RPRD1A: variants seen among roughly 807,000 people sequenced by gnomAD.
RPRD1A encodes the protein regulation of nuclear pre-mRNA domain containing 1A.
RPRD1A carries 9 observed loss-of-function variants against 37.8 expected under a neutral mutation model. The ratio of observed to expected loss-of-function variants is 0.24; its 90% CI spans 0.14 to 0.42. RPRD1A has a LOEUF of 0.42. Among genes scored for constraint, RPRD1A ranks in the 10% least tolerant of loss-of-function variants. The pLI is 1.00. For synonymous variants in RPRD1A, 138 were observed against 139.7 expected (o/e 0.99, Z 0.08); for missense variants, 255 against 371.0 (o/e 0.69, Z 2.57).
At chr18:36,062,273 C>G (rs1306739064) in intron 1 of RPRD1A, among the ~76,000 whole-genome samples, 2 of 144,544 alleles carry the variant, frequency 1.4e-5, no homozygotes, top group Non-Finnish European at 3.0e-5. Flanking sequence ...GCCGAGATTG[C>G]GCCACTGCAG....
In RPRD1A at chr18:36,048,775, G is replaced by A. The variant is rs559502568; in HGVS notation, c.152-14938C>T. ...ATTACACATGGTGCTGGAAATTCTA[G>A]CAAGTACAATAGGGCAAGAAAAGGA... On this transcript the variant is annotated intron_variant, in intron 1 of 6. Transcript: ENST00000399022. Among the ~76,000 whole-genome samples, 7 of 152,126 alleles carry A rather than the reference G, an allele frequency of 4.6e-5. No individual in the cohort carries two copies. The South Asian group carries it at 1.2e-3, about 27-fold the overall frequency.
rs117080684 is a variant in RPRD1A at position 36,030,635 on chromosome 18, T to C, written c.486+173A>G. 9.6e-3 allele frequency among the ~76,000 whole-genome samples: 1,468 copies of C among 152,334 alleles called. 7 individuals are homozygous for C. The highest frequency in any genetic ancestry group is 0.016 in the Non-Finnish European group (1,108 of 68,034). On this transcript the variant is annotated intron_variant, in intron 4 of 6. Coordinates refer to ENST00000399022, the MANE Select transcript of RPRD1A (RefSeq NM_018170.5). Reference sequence around the variant, plus strand: ...TATGCAAAATATACAATATACAACATACTACATTTAACATAAGCAATTTGT... The same window carrying C: ...TATGCAAAATATACAATATACAACACACTACATTTAACATAAGCAATTTGT...
At chr18:36,025,510 A>T (rs1329747899) in intron 6 of RPRD1A, 2 of 588,076 alleles carry the variant, frequency 3.4e-6, no homozygotes, top group Admixed American at 7.7e-5. Flanking sequence ...ACAGTGACAA[A>T]TGACCATCAT....
chr18:35,993,940 G>A (rs1393942568), intron 6 of RPRD1A, among the ~76,000 whole-genome samples: 1 of 152,188 alleles, frequency 6.6e-6, no homozygotes, highest in Non-Finnish European at 1.5e-5. Flanking sequence ...TCCTTCTTAT[G>A]CGTGGAGGAC....
chr18:36,015,197 C>CAG (rs1568122154), intron 6 of RPRD1A, among the ~76,000 whole-genome samples: 1 of 148,552 alleles, frequency 6.7e-6, no homozygotes. Flanking sequence ...CACACACACA[C>CAG]ACACACATTC....
chr18:36,033,875 A>G (rs1165470565), intron 1 of RPRD1A, 38 bp from the exon 2 acceptor site: 1 of 1,562,130 alleles, frequency 6.4e-7, no homozygotes, highest in Non-Finnish European at 8.7e-7. Context: ...TACTTAAAAC[A>G]TCTTTACTTG....
intron 6 of RPRD1A, among the ~76,000 whole-genome samples, chr18:36,005,553 A>C (rs948895257): frequency 1.3e-5 from 2 of 152,208 alleles, no homozygotes; most frequent in African/African-American, 2.4e-5. Context: ...CACTTTTATA[A>C]GCTGAATTAA....
At chr18:36,011,011 C>T (rs1910145581) in intron 6 of RPRD1A, among the ~76,000 whole-genome samples, 1 of 152,156 alleles carries the variant, frequency 6.6e-6, no homozygotes. Flanking sequence ...ATACTACAGA[C>T]ATCTGAAAAC....
chr18:36,008,912 A>T (rs1170510784), intron 6 of RPRD1A, among the ~76,000 whole-genome samples: 1 of 152,010 alleles, frequency 6.6e-6, no homozygotes, highest in Non-Finnish European at 1.5e-5. Flanking sequence ...CCCAAACATT[A>T]CTTTGCTGAT....
At chr18:36,033,948 A>C in intron 1 of RPRD1A, 111 bp from the exon 2 acceptor site, 1 of 834,108 alleles carries the variant, frequency 1.2e-6, no homozygotes, top group Admixed American at 2.9e-5. Flanking sequence ...ACTAACCTTT[A>C]TGTATCATTT....
rs377194926 is a variant in RPRD1A, at chr18:36,027,263, T to C, written c.534A>G (p.Ser178=). Residue 178 remains serine, a synonymous_variant, in exon 5 of 7, where the codon TCA becomes TCG. Transcript: ENST00000399022. ...RALQDLENAA[S]GDAAVHQRIA... is the part of the protein sequence containing the mutation. ...TCCTCTGATGAACTGCTGCATCACC[T>C]GAGGCTGCATTTTCCAGATCTTGTA... The C allele has an allele frequency of 6.2e-6, 10 of 1,613,530 alleles. No individual in the cohort carries two copies. The highest frequency in any genetic ancestry group is 8.5e-6 in the Non-Finnish European group (10 of 1,179,568).
intron 6 of RPRD1A, among the ~76,000 whole-genome samples, chr18:36,012,331 G>A (rs1370963285): frequency 6.6e-6 from 1 of 152,156 alleles, no homozygotes; most frequent in Non-Finnish European, 1.5e-5. Context: ...GAAAATAAAT[G>A]ACTTCGTTAC....
intron 6 of RPRD1A, among the ~76,000 whole-genome samples, chr18:36,008,587 A>ATATATATATATATATATATATATC (rs1234904779): frequency 2.5e-5 from 3 of 119,600 alleles, no homozygotes; most frequent in African/African-American, 7.3e-5. Flanking sequence ...GTATATATAT[A>ATATATATATATATATATATATATC]TATCTTTAAA....
chr18:36,061,165 T>C (rs1451656166), intron 1 of RPRD1A, among the ~76,000 whole-genome samples: 1 of 152,166 alleles, frequency 6.6e-6, no homozygotes, highest in African/African-American at 2.4e-5. Flanking sequence ...ATGATTTCCC[T>C]CTAACTAAAG....
rs1028191023 is a variant in RPRD1A at position 36,030,902 on chromosome 18, C to T, written c.392G>A (p.Gly131Asp). 1.9e-6 allele frequency: 3 copies of T among 1,608,354 alleles called. No homozygotes were observed. The African/African-American group carries it at 4.0e-5, about 22-fold the overall frequency. Reference protein sequence around the residue: ...VLEQLKQALYGDKKPRKRTYE... With the variant: ...VLEQLKQALYDDKKPRKRTYE... Reference sequence around the variant, plus strand: ...AGTTCGCTTCCTAGGCTTCTTATCACCATCTGAAATGAAAGAACATTTAAG... The same window carrying T: ...AGTTCGCTTCCTAGGCTTCTTATCATCATCTGAAATGAAAGAACATTTAAG... Residue 131 changes from glycine (G) to aspartate (D), a missense_variant, in exon 4 of 7, where the codon GGT (glycine) becomes GAT (aspartate). Transcript: ENST00000399022.
chr18:36,036,389 A>C (rs1912198324), intron 1 of RPRD1A, among the ~76,000 whole-genome samples: 1 of 152,040 alleles, frequency 6.6e-6, no homozygotes. Context: ...ATGTTTTTTA[A>C]ATTCATGGGT....
chr18:36,005,413 G>A (rs1425535296), intron 6 of RPRD1A, among the ~76,000 whole-genome samples: 2 of 152,172 alleles, frequency 1.3e-5, no homozygotes, highest in African/African-American at 4.8e-5. Context: ...ACTGATTGCT[G>A]TAAATTTGTG....
chr18:36,033,299 CAAAAAAAAAAAAAAA>C (rs71166085), intron 2 of RPRD1A, among the ~76,000 whole-genome samples: 2 of 75,940 alleles, frequency 2.6e-5, no homozygotes, highest in South Asian at 4.8e-4. Context: ...GACTCTGTCT[CAAAAAAAAAAAAAAA>C]AAAAAAAAAA....
At chr18:36,024,334 T>TTA (rs1555672614) in intron 6 of RPRD1A, among the ~76,000 whole-genome samples, 1 of 149,666 alleles carries the variant, frequency 6.7e-6, no homozygotes, top group African/African-American at 2.5e-5. Context: ...TTTTTTTTTT[T>TTA]AAGTAGAGAT....
Sources: allele counts gnomAD v4.1 joint callset (sites outside exome capture counted in the v4.1 genomes callset), GRCh38; gene constraint gnomAD v4.1.1; transcripts MANE v1.5; gene names NCBI Gene and HGNC (gene_info 2026-07-23, HGNC 2026-07-21).